LRRC28: variants seen among roughly 807,000 people sequenced by gnomAD.
The protein encoded by LRRC28 is leucine rich repeat containing 28.
LRRC28 carries 39 observed loss-of-function variants against 45.7 expected under a neutral mutation model. The observed-to-expected ratio is 0.85, with a 90% CI of 0.66 to 1.12. LRRC28 has a LOEUF of 1.12. Among genes scored for constraint, LRRC28 ranks in the 50% most tolerant of loss-of-function variants. The pLI, the probability that LRRC28 is intolerant of heterozygous loss-of-function variation, is 0.00. For missense variants in LRRC28, 435 were observed against 438.5 expected (o/e 0.99, Z 0.07); for synonymous variants, 206 against 178.8 (o/e 1.15, Z -1.22).
rs1013858042 is a variant in LRRC28 at position 99,259,742 on chromosome 15, GT to G, written c.168+3621del. The G allele has an allele frequency of 4.2e-6, 6 of 1,413,122 alleles. No homozygotes were observed. In the African/African-American group the frequency reaches 7.0e-5, roughly 17 times the overall value. The allele number at this position is 1,413,122 out of a possible 1,614,324, so 87.5% of individuals were successfully genotyped here. The stretch of plus-strand genomic sequence containing the variant: ...TAAGGAAGATGAAGATGATAAAACA[GT>G]TTTGGATCTTGCTGTGGTTTTGTTT... On this transcript the variant is annotated intron_variant, in intron 2 of 9. Coordinates refer to ENST00000301981, the MANE Select transcript of LRRC28 (RefSeq NM_144598.5).
At chr15:99,285,332 A>C in intron 3 of LRRC28, 1 of 741,488 alleles carries the variant, frequency 1.3e-6, no homozygotes, top group Non-Finnish European at 2.5e-6. Flanking sequence ...TAGTCCCACA[A>C]CTCTTCTGTC....
At chr15:99,303,834 C>T (rs1232503861) in intron 5 of LRRC28, among the ~76,000 whole-genome samples, 1 of 144,272 alleles carries the variant, frequency 6.9e-6, no homozygotes. Flanking sequence ...AACTCCATTG[C>T]AAAAAAAAAA....
At chr15:99,353,188 C>G (rs752477577) in intron 7 of LRRC28, among the ~76,000 whole-genome samples, 9 of 152,208 alleles carry the variant, frequency 5.9e-5, no homozygotes, top group Admixed American at 1.3e-4. Context: ...CCAGGACCCA[C>G]TTGTGACTGA....
chr15:99,282,837 A>G (rs2081843843), intron 3 of LRRC28, among the ~76,000 whole-genome samples: 1 of 152,258 alleles, frequency 6.6e-6, no homozygotes, highest in South Asian at 2.1e-4. Flanking sequence ...GGAAAATCCC[A>G]TTTACTCCAT....
intron 5 of LRRC28, among the ~76,000 whole-genome samples, chr15:99,291,882 T>C (rs377523166): frequency 1.4e-4 from 21 of 152,358 alleles, no homozygotes; most frequent in African/African-American, 4.8e-4. Context: ...TGAAGTAGTA[T>C]TGCATTTTTT....
At chr15:99,274,755 G>A (rs973117707) in intron 2 of LRRC28, among the ~76,000 whole-genome samples, 3 of 152,148 alleles carry the variant, frequency 2.0e-5, no homozygotes, top group African/African-American at 7.2e-5. Flanking sequence ...TTCTTCGGGA[G>A]TGCTGTTATG....
intron 1 of LRRC28, among the ~76,000 whole-genome samples, chr15:99,253,241 C>A (rs1025212308): frequency 6.6e-6 from 1 of 151,998 alleles, no homozygotes; most frequent in African/African-American, 2.4e-5. Context: ...CTGCCTCAGT[C>A]TCCCGAGTAG....
intron 2 of LRRC28, chr15:99,258,862 A>G (rs761183184): frequency 8.1e-5 from 57 of 706,346 alleles, no homozygotes; most frequent in Non-Finnish European, 1.5e-4. Context: ...TGCGCTGTGT[A>G]TTCATCACAG....
chr15:99,289,967 C>T (rs1411061495), intron 5 of LRRC28, among the ~76,000 whole-genome samples: 3 of 120,046 alleles, frequency 2.5e-5, no homozygotes, highest in African/African-American at 6.3e-5. Flanking sequence ...AAAAAAATGG[C>T]ACCAGTCAGG....
At chr15:99,289,901 CCG>C (rs2082067362) in intron 5 of LRRC28, among the ~76,000 whole-genome samples, 3 of 139,398 alleles carry the variant, frequency 2.2e-5, no homozygotes, top group African/African-American at 8.0e-5. Flanking sequence ...CCACTGCAGT[CCG>C]CAGTCCGGCC....
chr15:99,374,386 A>G (rs1032087652), intron 9 of LRRC28, among the ~76,000 whole-genome samples: 9 of 152,140 alleles, frequency 5.9e-5, no homozygotes, highest in African/African-American at 1.2e-4. Context: ...TAAAATTTCA[A>G]TTTCCATGTG....
chr15:99,363,027 G>A lies in LRRC28; in HGVS notation c.872-79G>A, dbSNP rs1017257277. The A allele has an allele frequency of 7.7e-6, 11 of 1,437,812 alleles. No homozygotes were observed. The African/African-American group carries it at 8.5e-5, about 11-fold the overall frequency. The allele number at this position is 1,437,812 out of a possible 1,614,324, so 89.1% of individuals were successfully genotyped here. On this transcript the variant is annotated intron_variant, in intron 8 of 9. Coordinates refer to ENST00000301981, the MANE Select transcript of LRRC28 (RefSeq NM_144598.5). The stretch of plus-strand genomic sequence containing the variant: ...ACTTTTAAGTAACTGAACTTATTTG[G>A]TAACAAATATTTTAAGAAGCGTAGT...
rs899065260 is a variant in LRRC28 at position 99,388,519 on chromosome 15, A to G, written c.*2417A>G. The G allele has an allele frequency of 1.3e-5, 2 of 152,188 alleles. No homozygotes were observed. The highest frequency in any genetic ancestry group is 2.9e-5 in the Non-Finnish European group (2 of 68,026). 9.4% of individuals were successfully genotyped at this position (152,188 alleles called of 1,614,324 possible). ...CTGAACTTAATTGATGAGAAGTGGA[A>G]CTTAAGTGGTTTCCCTGGTGCTGTT... On this transcript the variant is annotated 3_prime_UTR_variant, in exon 10 of 10. Coordinates refer to ENST00000301981, the MANE Select transcript of LRRC28 (RefSeq NM_144598.5).
chr15:99,263,081 A>T (rs1398865590), intron 2 of LRRC28, among the ~76,000 whole-genome samples: 2 of 151,312 alleles, frequency 1.3e-5, no homozygotes, highest in East Asian at 3.9e-4. Context: ...ATGCTGAGGC[A>T]GGCGGATCAC....
At chr15:99,367,055 C>G (rs1028075379) in intron 9 of LRRC28, among the ~76,000 whole-genome samples, 5 of 152,176 alleles carry the variant, frequency 3.3e-5, no homozygotes, top group African/African-American at 1.2e-4. Context: ...AGTTTCTAGA[C>G]ACTATCTTAC....
At chr15:99,284,828 T>A in intron 3 of LRRC28, 1 of 550,670 alleles carries the variant, frequency 1.8e-6, no homozygotes. Flanking sequence ...CAGAATTGCT[T>A]CCATCATTAC....
intron 6 of LRRC28, among the ~76,000 whole-genome samples, chr15:99,343,833 CA>C (rs1018256191): frequency 1.3e-5 from 2 of 152,170 alleles, no homozygotes; most frequent in African/African-American, 4.8e-5. Context: ...AGAAACATCT[CA>C]AAGCCTTTTC....
chr15:99,294,019 C>T (rs931755225), intron 5 of LRRC28, among the ~76,000 whole-genome samples: 2 of 152,142 alleles, frequency 1.3e-5, no homozygotes, highest in African/African-American at 2.4e-5. Context: ...TATTTCCTGG[C>T]CGCCATTGTT....
chr15:99,260,441 T>G (rs896073275), intron 2 of LRRC28, among the ~76,000 whole-genome samples: 5 of 152,180 alleles, frequency 3.3e-5, no homozygotes, highest in Admixed American at 3.3e-4. Flanking sequence ...AAGATTAAAT[T>G]GTTGTATGTG....
Sources: gnomAD v4.1 joint callset for allele counts (sites outside exome capture counted in the v4.1 genomes callset) on GRCh38, gnomAD v4.1.1 for gene constraint, MANE v1.5 for transcripts, NCBI Gene and HGNC (gene_info 2026-07-23, HGNC 2026-07-21) for gene names.